Variants in KCNK2 observed in about 807,000 individuals in gnomAD.
KCNK2 encodes potassium channel subfamily K member 2.
KCNK2 carries 21 observed loss-of-function variants against 40.5 expected under a neutral mutation model. That is an observed-to-expected ratio of 0.52 (90% confidence interval 0.37 to 0.75). KCNK2 has a LOEUF of 0.75. Among genes scored for constraint, KCNK2 ranks in the 30% least tolerant of loss-of-function variants. The probability of loss-of-function intolerance (pLI) is 0.00; values close to 1 mark genes in which losing one functional copy is unlikely to be tolerated. For synonymous variants in KCNK2, 191 were observed against 202.2 expected, an observed-to-expected ratio of 0.94 and a Z score of 0.47; for missense variants, 399 against 531.6, an observed-to-expected ratio of 0.75 and a Z score of 2.45.
chr1:215,198,235 G>A (rs1664946369), intron 6 of KCNK2, among the ~76,000 whole-genome samples: 1 of 152,088 alleles, frequency 6.6e-6, no homozygotes, highest in African/African-American at 2.4e-5. Flanking sequence ...TCTGTCGAAA[G>A]CTCCCATGAG....
intron 1 of KCNK2, among the ~76,000 whole-genome samples, chr1:215,025,492 T>C (rs996555679): frequency 1.3e-5 from 2 of 152,108 alleles, no homozygotes; most frequent in East Asian, 1.9e-4. Context: ...TATTAATACC[T>C]GTAAACCCCC....
chr1:215,208,316 T>C (rs923410856), intron 6 of KCNK2, among the ~76,000 whole-genome samples: 9 of 152,148 alleles, frequency 5.9e-5, no homozygotes, highest in African/African-American at 2.2e-4. Flanking sequence ...TAAGAGCTTA[T>C]GAACACGAAG....
At chr1:215,203,528 CTA>C (rs912807769) in intron 6 of KCNK2, among the ~76,000 whole-genome samples, 8 of 150,228 alleles carry the variant, frequency 5.3e-5, no homozygotes, top group Admixed American at 1.3e-4. Flanking sequence ...AGTTTTAAGA[CTA>C]TATATATATA....
At chr1:215,065,224 T>A (rs1169614717) in intron 1 of KCNK2, among the ~76,000 whole-genome samples, 2 of 152,206 alleles carry the variant, frequency 1.3e-5, no homozygotes, top group Non-Finnish European at 2.9e-5. Flanking sequence ...GTAGAAGCCC[T>A]GAGATAAATC....
chr1:215,220,567 C>T (rs191218143), intron 6 of KCNK2, among the ~76,000 whole-genome samples: 28 of 152,240 alleles, frequency 1.8e-4, no homozygotes, highest in East Asian at 9.7e-4. Context: ...AGCAACTGCA[C>T]GGATGGCTAA....
chr1:215,100,858 G>T (rs181879358), intron 2 of KCNK2, among the ~76,000 whole-genome samples: 1 of 151,992 alleles, frequency 6.6e-6, no homozygotes, highest in Non-Finnish European at 1.5e-5. Flanking sequence ...TTTATCATTC[G>T]TGTAAAAGAA....
chr1:215,230,536 TATATATACAC>T lies in KCNK2; in HGVS notation c.964-4290_964-4281del, dbSNP rs1255248894. ...ATATATATATATATATATATATGTA[TATATATACAC>T]ACACATAACAGCCATATATATATAT... is the stretch of plus-strand genomic sequence containing the variant. On this transcript the variant is annotated intron_variant, in intron 6 of 6. Coordinates refer to ENST00000444842, the MANE Select transcript of KCNK2 (RefSeq NM_001017425.3). 3.8e-4 allele frequency among the ~76,000 whole-genome samples: 36 copies of T among 95,572 alleles called. 2 individuals are homozygous for T. The highest frequency in any genetic ancestry group is 1.1e-3 in the African/African-American group (27 of 24,292). 62.7% of individuals were successfully genotyped at this position (95,572 alleles called of 152,430 possible).
chr1:215,018,437 T>C (rs918414985), intron 1 of KCNK2, among the ~76,000 whole-genome samples: 32 of 152,196 alleles, frequency 2.1e-4, no homozygotes, highest in African/African-American at 7.5e-4. Flanking sequence ...AGGCCACTAT[T>C]AATGGGACAA....
chr1:215,086,859 A>G (rs1225428941), intron 2 of KCNK2, among the ~76,000 whole-genome samples, 181 bp downstream of exon 2: 1 of 152,036 alleles, frequency 6.6e-6, no homozygotes, highest in Non-Finnish European at 1.5e-5. Context: ...TCTCCTGCCT[A>G]TATTCTCACT....
rs528840739 is a variant in KCNK2 at position 215,217,558 on chromosome 1, A to G, written c.964-17270A>G. ...TTAAACTCTCCAGCTGCTCATCTCTAACTTGCACTGACACTAATTCTGGTA... is the reference window on the plus strand; with the variant it reads ...TTAAACTCTCCAGCTGCTCATCTCTGACTTGCACTGACACTAATTCTGGTA... On this transcript the variant is annotated intron_variant, in intron 6 of 6. Transcript: ENST00000444842. Among the ~76,000 whole-genome samples, 7 of 152,180 alleles carry G rather than the reference A, an allele frequency of 4.6e-5. No individual in the cohort carries two copies. The East Asian group carries it at 1.4e-3, about 29-fold the overall frequency.
chr1:215,011,187 T>G (rs1456527722), intron 1 of KCNK2, among the ~76,000 whole-genome samples: 1 of 152,054 alleles, frequency 6.6e-6, no homozygotes, highest in Non-Finnish European at 1.5e-5. Flanking sequence ...CAAAACCTCC[T>G]CCATCTCAAA....
intron 1 of KCNK2, among the ~76,000 whole-genome samples, chr1:215,029,038 C>A (rs1421012344): frequency 2.0e-5 from 3 of 151,670 alleles, no homozygotes; most frequent in Non-Finnish European, 4.4e-5. Flanking sequence ...TCCCACATAC[C>A]CTTTACCCCT....
At chr1:215,208,383 C>A (rs4233309) in intron 6 of KCNK2, among the ~76,000 whole-genome samples, 70,078 of 151,888 alleles carry the variant, frequency 0.46, 19,223 homozygotes, top group East Asian at 0.66. Flanking sequence ...GGGAGAGGAA[C>A]AGGAAGATAA....
At chr1:215,119,899 T>C (rs1336028748) in intron 2 of KCNK2, among the ~76,000 whole-genome samples, 1 of 152,180 alleles carries the variant, frequency 6.6e-6, no homozygotes, top group Non-Finnish European at 1.5e-5. Flanking sequence ...TGAACTGATG[T>C]TGAAATTTCA....
intron 3 of KCNK2, among the ~76,000 whole-genome samples, chr1:215,125,762 AT>A (rs1214177955): frequency 5.0e-5 from 1 of 19,910 alleles, no homozygotes; most frequent in East Asian, 1.1e-3. Context: ...ATATATATAT[AT>A]ATATATATAT....
intron 2 of KCNK2, among the ~76,000 whole-genome samples, chr1:215,108,060 A>G (rs911031936): frequency 1.4e-4 from 22 of 152,068 alleles, no homozygotes; most frequent in African/African-American, 5.3e-4. Flanking sequence ...GATTCTCACA[A>G]GGAGCACACA....
intron 3 of KCNK2, among the ~76,000 whole-genome samples, chr1:215,131,665 C>T (rs1661688567): frequency 6.6e-6 from 1 of 151,726 alleles, no homozygotes; most frequent in South Asian, 2.1e-4. Flanking sequence ...ATCTGAGTGT[C>T]AGAATGCAAA....
At chr1:215,162,522 T>C (rs1663247069) in intron 3 of KCNK2, among the ~76,000 whole-genome samples, 1 of 152,188 alleles carries the variant, frequency 6.6e-6, no homozygotes, top group Non-Finnish European at 1.5e-5. Flanking sequence ...TGGTATTGCC[T>C]AGGTTTTCTT....
intron 6 of KCNK2, among the ~76,000 whole-genome samples, chr1:215,209,186 T>G (rs1044239860): frequency 1.4e-5 from 2 of 139,814 alleles, no homozygotes; most frequent in Non-Finnish European, 3.0e-5. Flanking sequence ...TGATATCTAG[T>G]TATAAATATA....
Sources: allele counts gnomAD v4.1 joint callset (sites outside exome capture counted in the v4.1 genomes callset), GRCh38; gene constraint gnomAD v4.1.1; transcripts MANE v1.5; gene names NCBI Gene and HGNC (gene_info 2026-07-23, HGNC 2026-07-21).